The following CDC42BPA variants were observed in gnomAD, a reference collection of about 807,000 sequenced individuals.
The protein encoded by CDC42BPA is CDC42 binding protein kinase alpha.
CDC42BPA carries 80 observed loss-of-function variants against 223.5 expected under a neutral mutation model. The ratio of observed to expected loss-of-function variants is 0.36; its 90% confidence interval spans 0.30 to 0.43. The LOEUF (loss-of-function observed/expected upper bound fraction) is 0.43. CDC42BPA is among the 20% of genes least tolerant of loss of function. CDC42BPA has a pLI of 1.00. For missense variants in CDC42BPA, 1,743 were observed against 2,099.9 expected (o/e 0.83, Z 3.32); for synonymous variants, 694 against 718.6 (o/e 0.97, Z 0.55).
chr1:227,260,430 T>C (rs1683836759), intron 1 of CDC42BPA, among the ~76,000 whole-genome samples: 3 of 151,070 alleles, frequency 2.0e-5, no homozygotes. Flanking sequence ...CCCTACTCTG[T>C]GTAGCCCAAG....
intron 21 of CDC42BPA, among the ~76,000 whole-genome samples, chr1:227,060,842 C>A (rs182038185): frequency 6.7e-6 from 1 of 150,310 alleles, no homozygotes; most frequent in Non-Finnish European, 1.5e-5. Context: ...CTCCCTCAGA[C>A]TCCCGAGTAG....
chr1:227,160,550 T>G lies in CDC42BPA; in HGVS notation c.686A>C (p.Asp229Ala), dbSNP rs1351435980. The G allele has an allele frequency of 1.3e-6, 2 of 1,573,448 alleles. No homozygotes were observed. The highest frequency in any genetic ancestry group is 2.7e-5 in the African/African-American group (2 of 74,172). Reference sequence around the variant, plus strand: ...GGATTTATCTTTATTTACCGTTCCATCTTCCATCAGCTTCAGACAAGAACC... The same window carrying G: ...GGATTTATCTTTATTTACCGTTCCAGCTTCCATCAGCTTCAGACAAGAACC... ...DFGSCLKLME[D>A]GTVQSSVAVG... Residue 229 changes from aspartate to alanine, a missense_variant, in exon 6 of 37, where the codon GAT becomes GCT. Asp to Ala is a moderately radical substitution (Grantham distance 126, BLOSUM62 -2). Around this residue, in one of 6 missense-constraint regions of CDC42BPA, gnomAD observed 321 missense variants for 488.7 expected, o/e 0.66. Transcript: ENST00000366766.
Position 227,147,566 on chromosome 1 carries a change from A to AG in CDC42BPA, c.694-8_694-7insC. On this transcript the variant is annotated splice_polypyrimidine_tract_variant and splice_region_variant and intron_variant, in intron 6 of 36. Coordinates refer to ENST00000366766, the MANE Select transcript of CDC42BPA (RefSeq NM_001394014.1). Reference sequence around the variant, plus strand: ...CAGCCACTGAGGACTGAACCTGAAGAAATTTACATTTTTATTAATCTCCTA... The same window carrying AG: ...CAGCCACTGAGGACTGAACCTGAAGAGAATTTACATTTTTATTAATCTCCTA... The AG allele has an allele frequency of 6.5e-7, 1 of 1,538,142 alleles. No individual in the cohort carries two copies. Among genetic ancestry groups the AG allele is most frequent in the African/African-American group, 1.4e-5 (1 of 72,312 alleles).
At chr1:227,127,915 G>A (rs1656175241) in intron 11 of CDC42BPA, among the ~76,000 whole-genome samples, 1 of 151,980 alleles carries the variant, frequency 6.6e-6, no homozygotes, top group African/African-American at 2.4e-5. Context: ...CCTTTCTGGA[G>A]AGGCCTCACC....
intron 4 of CDC42BPA, among the ~76,000 whole-genome samples, chr1:227,196,624 C>T (rs1178676558): frequency 6.6e-6 from 1 of 152,136 alleles, no homozygotes; most frequent in East Asian, 1.9e-4. Context: ...CAGGCATGAG[C>T]CACCGTGCCC....
At chr1:227,094,141 G>C (rs926779607) in intron 15 of CDC42BPA, among the ~76,000 whole-genome samples, 4 of 152,172 alleles carry the variant, frequency 2.6e-5, no homozygotes, top group African/African-American at 9.7e-5. Context: ...ATATTGGAAG[G>C]AGTATGGGCA....
At chr1:227,218,704 A>G (rs912757610) in intron 2 of CDC42BPA, among the ~76,000 whole-genome samples, 1 of 152,218 alleles carries the variant, frequency 6.6e-6, no homozygotes, top group Non-Finnish European at 1.5e-5. Context: ...CCCATTCATC[A>G]TACCTATAAT....
chr1:227,304,617 A>AT (rs1204843121), intron 1 of CDC42BPA, among the ~76,000 whole-genome samples: 2 of 152,248 alleles, frequency 1.3e-5, no homozygotes, highest in Non-Finnish European at 2.9e-5. Context: ...TATAACAAGT[A>AT]TAACGGCATA....
chr1:227,250,562 T>C (rs1490339256), intron 2 of CDC42BPA, among the ~76,000 whole-genome samples: 1 of 152,140 alleles, frequency 6.6e-6, no homozygotes, highest in South Asian at 2.1e-4. Flanking sequence ...TTGCTTGTTT[T>C]GTACCCTAAA....
intron 5 of CDC42BPA, among the ~76,000 whole-genome samples, chr1:227,167,336 C>T (rs1258531046): frequency 1.3e-5 from 2 of 152,078 alleles, no homozygotes; most frequent in East Asian, 3.9e-4. Context: ...TTTCCCTTTC[C>T]CTATTCATTA....
chr1:227,301,361 C>CTTTTTTTTTTTTTTTTTTT (rs1558992254), intron 1 of CDC42BPA, among the ~76,000 whole-genome samples: 1 of 144,826 alleles, frequency 6.9e-6, no homozygotes. Context: ...AGGATGTAGA[C>CTTTTTTTTTTTTTTTTTTT]ATTTTTTTTT....
intron 2 of CDC42BPA, among the ~76,000 whole-genome samples, chr1:227,246,917 T>C (rs1338451487): frequency 6.6e-6 from 1 of 152,176 alleles, no homozygotes; most frequent in Admixed American, 6.5e-5. Context: ...ATAGCTATTT[T>C]GGGCCAAGCA....
chr1:227,199,867 T>C (rs956492743), intron 3 of CDC42BPA, among the ~76,000 whole-genome samples: 1 of 152,124 alleles, frequency 6.6e-6, no homozygotes, highest in Non-Finnish European at 1.5e-5. Flanking sequence ...ATAATACTTT[T>C]ATAGTTCAAA....
intron 3 of CDC42BPA, among the ~76,000 whole-genome samples, chr1:227,211,259 C>T (rs1673837003): frequency 6.6e-6 from 1 of 152,040 alleles, no homozygotes; most frequent in Non-Finnish European, 1.5e-5. Context: ...TATTACTATA[C>T]AATAATTACC....
intron 2 of CDC42BPA, among the ~76,000 whole-genome samples, chr1:227,227,204 CAAGAAAAAGA>C (rs1046502720): frequency 6.6e-6 from 1 of 151,644 alleles, no homozygotes; most frequent in Non-Finnish European, 1.5e-5. Flanking sequence ...TCATATTTTT[CAAGAAAAAGA>C]AAGAAAAAAA....
chr1:227,290,405 G>T (rs1689500168), intron 1 of CDC42BPA, among the ~76,000 whole-genome samples: 1 of 151,964 alleles, frequency 6.6e-6, no homozygotes, highest in Admixed American at 6.6e-5. Flanking sequence ...CATCTTCATT[G>T]CTGCTACACT....
intron 27 of CDC42BPA, 43 bp downstream of exon 27, chr1:227,033,291 A>G (rs1188359425): frequency 7.4e-7 from 1 of 1,347,778 alleles, no homozygotes; most frequent in Admixed American, 1.7e-5. Flanking sequence ...ATACTCATTA[A>G]AAACACATAA....
At chr1:227,275,592 C>T (rs578115073) in intron 1 of CDC42BPA, among the ~76,000 whole-genome samples, 1 of 135,260 alleles carries the variant, frequency 7.4e-6, no homozygotes, top group African/African-American at 2.6e-5. Context: ...GTTCCCCCTC[C>T]CCCTCCCCCT....
chr1:227,016,263 T>A (rs1666224670), intron 33 of CDC42BPA, 66 bp from the exon 34 acceptor site: 1 of 843,260 alleles, frequency 1.2e-6, no homozygotes, highest in Non-Finnish European at 2.0e-6. Flanking sequence ...ATGAAAAAAA[T>A]TAAGCTTAAT....
Sources: allele counts gnomAD v4.1 joint callset (sites outside exome capture counted in the v4.1 genomes callset), GRCh38; gene constraint gnomAD v4.1.1; regional missense constraint gnomAD v4.1.1; transcripts MANE v1.5; gene names NCBI Gene and HGNC (gene_info 2026-07-23, HGNC 2026-07-21).